LINC00632: variants seen among roughly 807,000 people sequenced by gnomAD.
The protein encoded by LINC00632 is long independently transcribed non-coding RNA 632, also known as ALDOA related specific transcript.
chrX:140,727,667 G>T (rs1199187526), intron 2 of LINC00632, among the ~76,000 whole-genome samples: 5 of 111,363 alleles, frequency 4.5e-5, no homozygotes, highest in Non-Finnish European at 9.4e-5. Flanking sequence ...CAATATTACC[G>T]TAACACCTAA....
chrX:140,773,885 G>C (rs1292671783), exon 4 of LINC00632, among the ~76,000 whole-genome samples: 1 of 112,101 alleles, frequency 8.9e-6, no homozygotes, highest in Non-Finnish European at 1.9e-5. Context: ...CCATGAAAGT[G>C]GCTTGGCAAC....
intron 2 of LINC00632, among the ~76,000 whole-genome samples, chrX:140,731,070 T>A (rs887398485): frequency 1.8e-5 from 2 of 110,325 alleles, no homozygotes; most frequent in African/African-American, 3.3e-5. Context: ...CCCAGCTAAT[T>A]TTTTATATTT....
At chrX:140,788,778 TATATATGTATATTCC>T in exon 5 of LINC00632, among the ~76,000 whole-genome samples, 1 of 105,183 alleles carries the variant, frequency 9.5e-6, no homozygotes, top group East Asian at 2.9e-4. Flanking sequence ...CATATATGTG[TATATATGTATATTCC>T]ATATATACAC....
chrX:140,731,136 G>C (rs981814947), intron 2 of LINC00632, among the ~76,000 whole-genome samples: 1 of 111,532 alleles, frequency 9.0e-6, no homozygotes, highest in Non-Finnish European at 1.9e-5. Context: ...CTCCTGACCT[G>C]GTGATCCACC....
At chrX:140,727,807 A>C (rs1276839241) in intron 2 of LINC00632, among the ~76,000 whole-genome samples, 1 of 111,815 alleles carries the variant, frequency 8.9e-6, no homozygotes, top group Non-Finnish European at 1.9e-5. Flanking sequence ...TATAACCCAC[A>C]GATAAGTTCC....
chrX:140,711,063 C>T (rs1462971056), intron 1 of LINC00632, among the ~76,000 whole-genome samples: 1 of 111,595 alleles, frequency 9.0e-6, no homozygotes, highest in Non-Finnish European at 1.9e-5. Context: ...TTCTGTAGTA[C>T]ATAATGAGCT....
chrX:140,783,670 C>A (rs764933549), exon 5 of LINC00632: 6 of 1,210,652 alleles, frequency 5.0e-6, no homozygotes, highest in Non-Finnish European at 6.7e-6. Context: ...GTCTTCCAGT[C>A]AGTCAGTGTC....
At chrX:140,754,333 TA>T (rs200317735) in intron 3 of LINC00632, among the ~76,000 whole-genome samples, 1 of 109,480 alleles carries the variant, frequency 9.1e-6, no homozygotes, top group Non-Finnish European at 1.9e-5. Context: ...GGTGTAATCA[TA>T]AAAAAAAAGA....
At chrX:140,762,195 G>A (rs1001864623) in intron 3 of LINC00632, among the ~76,000 whole-genome samples, 8 of 83,529 alleles carry the variant, frequency 9.6e-5, no homozygotes, top group Non-Finnish European at 1.7e-4. Flanking sequence ...TAGCGACCTC[G>A]TCAGTTTTTC....
chrX:140,782,604 A>T (rs776505526), exon 5 of LINC00632: 2 of 111,800 alleles, frequency 1.8e-5, no homozygotes, highest in Non-Finnish European at 3.8e-5. Context: ...CATAGTGTTT[A>T]AGTCTAGATT....
At chrX:140,742,530 C>T (rs764019602) in intron 3 of LINC00632, among the ~76,000 whole-genome samples, 1 of 111,059 alleles carries the variant, frequency 9.0e-6, no homozygotes, top group Non-Finnish European at 1.9e-5. Context: ...CCAGGTAGAT[C>T]CAAGTAGACA....
At chrX:140,712,254 A>G (rs1210448376) in intron 2 of LINC00632, 1 of 109,047 alleles carries the variant, frequency 9.2e-6, no homozygotes, top group Non-Finnish European at 1.9e-5. Flanking sequence ...TAAATATGTT[A>G]AGTTTGTCAC....
intron 2 of LINC00632, among the ~76,000 whole-genome samples, chrX:140,726,115 T>TA (rs368805682): frequency 1.5e-4 from 16 of 108,464 alleles, no homozygotes; most frequent in Admixed American, 3.0e-4. Flanking sequence ...CACACACAAA[T>TA]AAAAAAAAAC....
At chrX:140,779,437 T>A (rs756366676) in exon 5 of LINC00632, among the ~76,000 whole-genome samples, 1 of 112,169 alleles carries the variant, frequency 8.9e-6, no homozygotes, top group East Asian at 2.8e-4. Flanking sequence ...CGAATGCTAA[T>A]AAAGGGTTTT....
At chrX:140,745,027 G>A (rs1490374058) in intron 3 of LINC00632, among the ~76,000 whole-genome samples, 1 of 110,941 alleles carries the variant, frequency 9.0e-6, no homozygotes, top group Non-Finnish European at 1.9e-5. Context: ...AAAATTTCCA[G>A]TGCTTCCCCT....
chrX:140,771,349 T>C (rs1160041149), intron 3 of LINC00632, among the ~76,000 whole-genome samples: 1 of 105,547 alleles, frequency 9.5e-6, no homozygotes, highest in Non-Finnish European at 1.9e-5. Flanking sequence ...AAAAATAAGT[T>C]CTCTAAAATG....
chrX:140,735,240 C>T (rs1271525885), intron 3 of LINC00632, among the ~76,000 whole-genome samples: 1 of 111,142 alleles, frequency 9.0e-6, no homozygotes, highest in Non-Finnish European at 1.9e-5. Flanking sequence ...GACCTGTCAT[C>T]AAAAATAATT....
chrX:140,788,728 T>C (rs1275663945), exon 5 of LINC00632, among the ~76,000 whole-genome samples: 1 of 84,925 alleles, frequency 1.2e-5, no homozygotes, highest in Admixed American at 1.3e-4. Context: ...TTCTGTGTAG[T>C]CAGATTTCAA....
At chrX:140,763,716 G>A (rs1042018972) in intron 3 of LINC00632, among the ~76,000 whole-genome samples, 2 of 111,405 alleles carry the variant, frequency 1.8e-5, no homozygotes, top group African/African-American at 6.5e-5. Flanking sequence ...TGTTTTCCGT[G>A]CACTTTAACG....
Sources: gnomAD v4.1 joint callset for allele counts (sites outside exome capture counted in the v4.1 genomes callset) on GRCh38, gnomAD v4.1.1 for gene constraint, MANE v1.5 for transcripts, NCBI Gene and HGNC (gene_info 2026-07-23, HGNC 2026-07-21) for gene names.